IL1RAPL1: variants seen among roughly 807,000 people sequenced by gnomAD.
IL1RAPL1 encodes interleukin 1 receptor accessory protein like 1.
IL1RAPL1 carries 3 observed loss-of-function variants against 48.4 expected under a neutral mutation model. The observed-to-expected ratio is 0.06, with a 90% CI of 0.03 to 0.16. The LOEUF (loss-of-function observed/expected upper bound fraction) is 0.16, where lower values mean the gene tolerates loss of function less well. IL1RAPL1 is among the 10% of genes least tolerant of loss of function. The pLI, the probability that IL1RAPL1 is intolerant of heterozygous loss-of-function variation, is 1.00. For missense variants in IL1RAPL1, 349 were observed against 530.6 expected, an observed-to-expected ratio of 0.66 and a Z score of 3.36; for synonymous variants, 185 against 187.7, an observed-to-expected ratio of 0.99 and a Z score of 0.12.
intron 2 of IL1RAPL1, among the ~76,000 whole-genome samples, chrX:29,282,357 G>A (rs903587090): frequency 8.9e-6 from 1 of 112,115 alleles, no homozygotes; most frequent in Non-Finnish European, 1.9e-5. Context: ...TGCTATACCA[G>A]CAGAACTTGT....
At chrX:29,564,834 C>T (rs1051101709) in intron 5 of IL1RAPL1, among the ~76,000 whole-genome samples, 4 of 112,587 alleles carry the variant, frequency 3.6e-5, no homozygotes, top group Admixed American at 9.4e-5. Flanking sequence ...TATTATGTCA[C>T]GGTTCTATAA....
intron 6 of IL1RAPL1, among the ~76,000 whole-genome samples, chrX:29,740,057 T>C (rs1369602468): frequency 2.9e-5 from 3 of 101,892 alleles, no homozygotes; most frequent in Admixed American, 1.1e-4. Flanking sequence ...GATTGCACCA[T>C]TGCACTCCAG....
At chrX:28,632,237 G>A (rs960721925) in intron 1 of IL1RAPL1, among the ~76,000 whole-genome samples, 7 of 111,403 alleles carry the variant, frequency 6.3e-5, no homozygotes, top group Non-Finnish European at 1.3e-4. Context: ...ATATCTATCT[G>A]CCTTCTCACT....
At chrX:29,626,221 G>A (rs1222021680) in intron 5 of IL1RAPL1, among the ~76,000 whole-genome samples, 2 of 111,832 alleles carry the variant, frequency 1.8e-5, no homozygotes, top group Non-Finnish European at 3.8e-5. Context: ...CTATTTTTCC[G>A]CAACTGAGTC....
chrX:29,655,536 G>T (rs193241956), intron 5 of IL1RAPL1, among the ~76,000 whole-genome samples: 4 of 108,444 alleles, frequency 3.7e-5, no homozygotes, highest in African/African-American at 1.3e-4. Flanking sequence ...GGTGGTGGGC[G>T]CCTGTAGTCC....
Position 29,402,656 on chromosome X carries a change from C to T in IL1RAPL1, c.703+3348C>T, listed in dbSNP as rs186404526. 2.7e-3 allele frequency among the ~76,000 whole-genome samples: 302 copies of T among 111,056 alleles called. 1 individual carries two copies. The highest frequency in any genetic ancestry group is 0.014 in the Middle Eastern group (3 of 213). Reference sequence around the variant, plus strand: ...TGGCACATTATTATTAAATAAAGTCCGTAGTTTATTTAGATTTCTGTGCTT... The same window carrying T: ...TGGCACATTATTATTAAATAAAGTCTGTAGTTTATTTAGATTTCTGTGCTT... On this transcript the variant is annotated intron_variant, in intron 5 of 10. Coordinates refer to ENST00000378993, the MANE Select transcript of IL1RAPL1 (RefSeq NM_014271.4).
intron 1 of IL1RAPL1, among the ~76,000 whole-genome samples, chrX:28,689,427 G>A (rs1935151067): frequency 9.0e-6 from 1 of 111,191 alleles, no homozygotes; most frequent in Non-Finnish European, 1.9e-5. Context: ...TGCCATGATT[G>A]TAAGTTTCCT....
chrX:28,687,799 A>G (rs972810973), intron 1 of IL1RAPL1, among the ~76,000 whole-genome samples: 2 of 106,495 alleles, frequency 1.9e-5, no homozygotes, highest in African/African-American at 6.9e-5. Context: ...AAAAAAAAAA[A>G]TAAAATAAAA....
chrX:29,062,593 TAATA>T (rs1309731101), intron 2 of IL1RAPL1, among the ~76,000 whole-genome samples: 1 of 112,118 alleles, frequency 8.9e-6, no homozygotes, highest in African/African-American at 3.2e-5. Flanking sequence ...TGTGAAGGAA[TAATA>T]AAAGCAATAA....
intron 2 of IL1RAPL1, among the ~76,000 whole-genome samples, chrX:29,157,355 T>C (rs1416761452): frequency 1.8e-5 from 2 of 111,728 alleles, no homozygotes; most frequent in Non-Finnish European, 3.8e-5. Flanking sequence ...TTTCTCATGA[T>C]AATTCATTGA....
intron 5 of IL1RAPL1, among the ~76,000 whole-genome samples, chrX:29,584,741 G>A (rs1010108780): frequency 9.0e-6 from 1 of 111,236 alleles, no homozygotes; most frequent in Non-Finnish European, 1.9e-5. Context: ...TTTTTGTTGA[G>A]ATGGGGTCTC....
chrX:29,127,286 A>G (rs2147481143), intron 2 of IL1RAPL1, among the ~76,000 whole-genome samples: 1 of 111,260 alleles, frequency 9.0e-6, no homozygotes, highest in East Asian at 2.8e-4. Flanking sequence ...GCATGTCAAA[A>G]CACGATGCAT....
At chrX:29,936,266 A>G (rs1933031420) in intron 8 of IL1RAPL1, among the ~76,000 whole-genome samples, 1 of 111,354 alleles carries the variant, frequency 9.0e-6, no homozygotes, top group Admixed American at 9.6e-5. Context: ...ATAAATTCTT[A>G]TAAACTTTAG....
chrX:28,795,689 A>G (rs1314356201), intron 2 of IL1RAPL1, among the ~76,000 whole-genome samples: 2 of 110,580 alleles, frequency 1.8e-5, no homozygotes, highest in Non-Finnish European at 3.8e-5. Context: ...TTGTATTCCA[A>G]CTTATTACTT....
At chrX:28,985,657 A>AT (rs377736234) in intron 2 of IL1RAPL1, among the ~76,000 whole-genome samples, 5,954 of 92,620 alleles carry the variant, frequency 0.064, 304 homozygotes, top group African/African-American at 0.11. Flanking sequence ...TAACGAGCAC[A>AT]TTTTTTTTTT....
intron 5 of IL1RAPL1, among the ~76,000 whole-genome samples, chrX:29,477,488 A>G (rs1934990965): frequency 8.9e-6 from 1 of 111,932 alleles, no homozygotes; most frequent in Non-Finnish European, 1.9e-5. Context: ...TCCATCTTCC[A>G]AGTATTCCTA....
chrX:29,328,648 G>T (rs778687381), intron 3 of IL1RAPL1, among the ~76,000 whole-genome samples: 10,930 of 103,439 alleles, frequency 0.11, 881 homozygotes, highest in African/African-American at 0.26. Flanking sequence ...TATATAGAGA[G>T]AGAGAGAGAG....
At chrX:29,880,760 AAAGAGCACCAC>A (rs1932010559) in intron 6 of IL1RAPL1, among the ~76,000 whole-genome samples, 1 of 111,624 alleles carries the variant, frequency 9.0e-6, no homozygotes. Flanking sequence ...AAGAATAATA[AAAGAGCACCAC>A]ATGTCCTCTT....
intron 6 of IL1RAPL1, among the ~76,000 whole-genome samples, chrX:29,698,142 C>T (rs538045729): frequency 6.4e-5 from 7 of 109,341 alleles, no homozygotes; most frequent in African/African-American, 2.3e-4. Context: ...AAAGCTTTCA[C>T]ACATGGTCTT....
Sources: allele counts gnomAD v4.1 joint callset (sites outside exome capture counted in the v4.1 genomes callset), GRCh38; gene constraint gnomAD v4.1.1; transcripts MANE v1.5; gene names NCBI Gene and HGNC (gene_info 2026-07-23, HGNC 2026-07-21).